CALCR: variants seen among roughly 807,000 people sequenced by gnomAD.
CALCR encodes the protein calcitonin receptor.
In CALCR, 47 loss-of-function variants were observed where a neutral mutation model predicts 59.5. The ratio of observed to expected loss-of-function variants is 0.79; its 90% CI spans 0.63 to 1.01. CALCR has a LOEUF of 1.01. Among genes scored for constraint, CALCR ranks in the 50% least tolerant of loss-of-function variants. The probability of loss-of-function intolerance (pLI) is 0.00; values close to 1 mark genes in which losing one functional copy is unlikely to be tolerated. For missense variants in CALCR, 566 were observed against 597.1 expected, an observed-to-expected ratio of 0.95 and a Z score of 0.54; for synonymous variants, 213 against 211.3, an observed-to-expected ratio of 1.01 and a Z score of -0.07.
At chr7:93,474,079 C>T (rs993840223) in intron 5 of CALCR, among the ~76,000 whole-genome samples, 2 of 151,460 alleles carry the variant, frequency 1.3e-5, no homozygotes, top group Admixed American at 1.3e-4. Context: ...TATACCAGAC[C>T]CTACATCAAG....
chr7:93,443,799 AAAGATCTGC>A, intron 8 of CALCR, 42 bp from the exon 9 acceptor site: 1 of 1,573,578 alleles, frequency 6.4e-7, no homozygotes, highest in Non-Finnish European at 8.7e-7. Context: ...AGACACAGGT[AAAGATCTGC>A]CAGGGAGCAC....
intron 7 of CALCR, among the ~76,000 whole-genome samples, chr7:93,467,197 G>A (rs935701677): frequency 3.3e-5 from 5 of 151,778 alleles, no homozygotes; most frequent in African/African-American, 1.2e-4. Context: ...ATCATGTTAT[G>A]TGATTACTGT....
At position 93,426,539 on chromosome 7, in the gene CALCR, G is replaced by T; in HGVS notation, c.1242C>A (p.Asn414Lys). 6.2e-7 allele frequency: 1 copy of T among 1,613,356 alleles called. No homozygotes were observed. The highest frequency in any genetic ancestry group is 8.5e-7 in the Non-Finnish European group (1 of 1,179,390). The change falls in exon 14 of 14, where the codon AAC becomes AAA. Residue 414 changes from asparagine (N) to lysine (K), a missense_variant. Asn to Lys is a moderately conservative substitution (Grantham distance 94). Transcript: ENST00000426151. Reference protein sequence around the residue: ...RQWAQFKIQWNQRWGRRPSNR... With the variant: ...RQWAQFKIQWKQRWGRRPSNR... ...TGGAGGGGCGCCTCCCCCAACGCTG[G>T]TTCCACTGAATTTTGAATTGGGCCC...
chr7:93,535,415 C>A (rs1189185288), intron 2 of CALCR, among the ~76,000 whole-genome samples: 1 of 151,670 alleles, frequency 6.6e-6, no homozygotes, highest in East Asian at 1.9e-4. Flanking sequence ...GTACATGGGC[C>A]TGTCTTGCTT....
intron 3 of CALCR, among the ~76,000 whole-genome samples, chr7:93,486,068 C>A (rs1028095052): frequency 2.6e-5 from 4 of 151,462 alleles, no homozygotes; most frequent in African/African-American, 9.7e-5. Flanking sequence ...ATCCTCGAAC[C>A]CTATGCAAGC....
At chr7:93,551,825 TAC>T (rs562806684) in intron 2 of CALCR, among the ~76,000 whole-genome samples, 28 of 152,176 alleles carry the variant, frequency 1.8e-4, no homozygotes, top group Non-Finnish European at 3.1e-4. Flanking sequence ...ATCCTGCTGA[TAC>T]AGTGTGTTAA....
At chr7:93,518,626 G>A (rs990811457) in intron 2 of CALCR, among the ~76,000 whole-genome samples, 1 of 151,752 alleles carries the variant, frequency 6.6e-6, no homozygotes, top group Non-Finnish European at 1.5e-5. Flanking sequence ...CAACCAATTA[G>A]GTGGAGAGTA....
intron 2 of CALCR, among the ~76,000 whole-genome samples, chr7:93,526,191 T>G (rs765321214): frequency 5.9e-5 from 9 of 152,136 alleles, no homozygotes; most frequent in Non-Finnish European, 8.8e-5. Context: ...TCGTTTTTGT[T>G]TGTATGTTTG....
In CALCR at chr7:93,458,498, G is replaced by C. The variant is rs538270259; in HGVS notation, c.648+2323C>G. Among the ~76,000 whole-genome samples the C allele has an allele frequency of 2.0e-5, 3 of 152,236 alleles. No homozygotes were observed. The South Asian group carries it at 6.2e-4, about 32-fold the overall frequency. On this transcript the variant is annotated intron_variant, in intron 8 of 13. Coordinates refer to ENST00000426151, the MANE Select transcript of CALCR (RefSeq NM_001742.4). ...CTTTCCATCCTGCTCCCACTGCCCTGGGCCCACAGAAATAAATCTGTACAT... is the reference window on the plus strand; with the variant it reads ...CTTTCCATCCTGCTCCCACTGCCCTCGGCCCACAGAAATAAATCTGTACAT...
At chr7:93,560,781 A>G (rs1789727538) in intron 2 of CALCR, among the ~76,000 whole-genome samples, 1 of 152,236 alleles carries the variant, frequency 6.6e-6, no homozygotes, top group South Asian at 2.1e-4. Context: ...AAAGTTTGGG[A>G]TGCATATAGA....
At chr7:93,482,166 G>A (rs868521141) in intron 3 of CALCR, among the ~76,000 whole-genome samples, 5 of 151,734 alleles carry the variant, frequency 3.3e-5, no homozygotes, top group African/African-American at 4.8e-5. Flanking sequence ...TCCATGTTGA[G>A]GTTTCTTTTT....
chr7:93,507,466 T>G (rs920509037), intron 2 of CALCR, among the ~76,000 whole-genome samples: 2 of 151,896 alleles, frequency 1.3e-5, no homozygotes, highest in African/African-American at 4.8e-5. Context: ...TGAGGGGCCC[T>G]CAGTGTAGGG....
At chr7:93,469,126 C>G (rs1334350902) in intron 6 of CALCR, among the ~76,000 whole-genome samples, 1 of 151,728 alleles carries the variant, frequency 6.6e-6, no homozygotes, top group Non-Finnish European at 1.5e-5. Flanking sequence ...AGTTTTTTAA[C>G]TTCTGGAATC....
intron 8 of CALCR, among the ~76,000 whole-genome samples, chr7:93,459,791 C>G (rs1451376428): frequency 6.6e-6 from 1 of 152,128 alleles, no homozygotes; most frequent in African/African-American, 2.4e-5. Context: ...GAACAACTCT[C>G]AGGACAATTC....
intron 2 of CALCR, among the ~76,000 whole-genome samples, chr7:93,523,218 TACAA>T (rs1254678727): frequency 6.6e-6 from 1 of 152,216 alleles, no homozygotes; most frequent in African/African-American, 2.4e-5. Context: ...TAGTTTCAAA[TACAA>T]ACAGTTGCCT....
In CALCR at chr7:93,505,174, C is replaced by G. The variant is rs189172516; in HGVS notation, c.-26-18167G>C. Among the ~76,000 whole-genome samples the G allele has an allele frequency of 9.7e-3, 1,474 of 151,958 alleles. 17 individuals are homozygous for G. Among genetic ancestry groups the G allele is most frequent in the African/African-American group, 0.033 (1,377 of 41,482 alleles). On this transcript the variant is annotated intron_variant, in intron 2 of 13. Coordinates refer to ENST00000426151, the MANE Select transcript of CALCR (RefSeq NM_001742.4). The stretch of plus-strand genomic sequence containing the variant: ...ATATAGCTAAGTGGAAAAAAAAAAG[C>G]CTATAAAAACTCAGTAGTCACAATG...
intron 7 of CALCR, 23 bp downstream of exon 7, chr7:93,468,692 G>A: frequency 6.8e-7 from 1 of 1,478,436 alleles, no homozygotes; most frequent in Non-Finnish European, 9.4e-7. Flanking sequence ...GAAATAAAGA[G>A]CAGATGCTGT....
chr7:93,548,743 C>T (rs1789364235), intron 2 of CALCR, among the ~76,000 whole-genome samples: 1 of 150,122 alleles, frequency 6.7e-6, no homozygotes, highest in Non-Finnish European at 1.5e-5. Flanking sequence ...AAAAGCTTTA[C>T]TTTAACTACT....
chr7:93,486,934 T>C lies in CALCR; in HGVS notation c.48A>G (p.Leu16=), dbSNP rs781162331. The change falls in exon 3 of 14, where the codon CTA becomes CTG. Residue 16 remains leucine, a synonymous_variant. Coordinates refer to ENST00000426151, the MANE Select transcript of CALCR (RefSeq NM_001742.4). ...TSRCLALFLL[L]NHPTPILPAF... is the part of the protein sequence containing the mutation. ...TGAATACTTTTGTTTTACTTACATTTAGAAGAAGAAACAGTGCCAAGCACC... is the reference window on the plus strand; with the variant it reads ...TGAATACTTTTGTTTTACTTACATTCAGAAGAAGAAACAGTGCCAAGCACC... 1.3e-6 allele frequency: 2 copies of C among 1,576,116 alleles called. No homozygotes were observed. Among genetic ancestry groups the C allele is most frequent in the East Asian group, 2.3e-5 (1 of 44,418 alleles).
Sources: gnomAD v4.1 joint callset for allele counts (sites outside exome capture counted in the v4.1 genomes callset) on GRCh38, gnomAD v4.1.1 for gene constraint, MANE v1.5 for transcripts, NCBI Gene and HGNC (gene_info 2026-07-23, HGNC 2026-07-21) for gene names.